AFAP1: variants seen among roughly 807,000 people sequenced by gnomAD.
AFAP1 encodes the protein actin filament associated protein 1.
In AFAP1, 75 loss-of-function variants were observed where a neutral mutation model predicts 93.9. That is an observed-to-expected ratio of 0.80 (90% CI 0.66 to 0.97). The LOEUF is 0.97. AFAP1 is among the 50% of genes least tolerant of loss of function. The pLI is 0.00. For synonymous variants in AFAP1, 517 were observed against 430.7 expected (o/e 1.20, Z -2.48); for missense variants, 1,201 against 1,050.8 (o/e 1.14, Z -1.98).
At chr4:7,908,208 T>C (rs905015618) in intron 1 of AFAP1, among the ~76,000 whole-genome samples, 1 of 150,504 alleles carries the variant, frequency 6.6e-6, no homozygotes, top group African/African-American at 2.5e-5. Context: ...CAAGACTCTG[T>C]CTCAAAAAAA....
chr4:7,771,678 G>A (rs138467102), intron 16 of AFAP1, among the ~76,000 whole-genome samples: 2 of 152,336 alleles, frequency 1.3e-5, no homozygotes, highest in Non-Finnish European at 2.9e-5. Flanking sequence ...GTCATTTCAA[G>A]CCCTGGCCTG....
rs1714998789 is a variant in AFAP1 at position 7,768,888 on chromosome 4, G to A, written c.2374C>T (p.Pro792Ser). The A allele has an allele frequency of 1.2e-6, 2 of 1,610,850 alleles. No individual in the cohort carries two copies. Residue 792 changes from proline to serine, a missense_variant, in exon 17 of 18, where the codon CCG becomes TCG. By Grantham distance (74) the Pro-to-Ser change is moderately conservative. Coordinates refer to ENST00000420658, the MANE Select transcript of AFAP1 (RefSeq NM_001134647.2). ...TGCCCTCGGCAGGGGGAGCTGCCCG[G>A]GGCAGCCTGGCTCTTCTTCAAGACG... ...AAVLKKSQAA[P>S]GSSPCRGHVL...
intron 1 of AFAP1, among the ~76,000 whole-genome samples, chr4:7,933,200 G>A (rs931933553): frequency 2.0e-5 from 3 of 151,976 alleles, no homozygotes; most frequent in Non-Finnish European, 2.9e-5. Context: ...ACACGGCATG[G>A]CCAAAGGGCT....
Position 7,774,843 on chromosome 4 carries a change from G to T in AFAP1, c.1958C>A (p.Thr653Asn). The change falls in exon 15 of 18, where the codon ACC (threonine) becomes AAC (asparagine). Residue 653 changes from threonine (T) to asparagine (N), a missense_variant. Coordinates refer to ENST00000420658, the MANE Select transcript of AFAP1 (RefSeq NM_001134647.2). ...RVEADAKRLQ[T>N]KEEELLKRKE... is the part of the protein sequence containing the mutation. The stretch of plus-strand genomic sequence containing the variant: ...CCTCTTCAGCAGCTCCTCCTCTTTG[G>T]TCTGTAGCCGCTTGGCATCTGCTTC... The T allele has an allele frequency of 1.9e-6, 3 of 1,614,072 alleles. No homozygotes were observed. The highest frequency in any genetic ancestry group is 4.5e-5 in the East Asian group (2 of 44,866).
chr4:7,816,215 G>A, intron 7 of AFAP1, 116 bp from the exon 8 acceptor site: 1 of 846,796 alleles, frequency 1.2e-6, no homozygotes, highest in Non-Finnish European at 1.8e-6. Context: ...CAAATTCATA[G>A]CAATCCAGAA....
intron 6 of AFAP1, among the ~76,000 whole-genome samples, chr4:7,833,826 G>A (rs1315055382): frequency 6.6e-6 from 1 of 151,978 alleles, no homozygotes; most frequent in African/African-American, 2.4e-5. Flanking sequence ...CTGACCTTGT[G>A]ATCTGCCTGC....
At chr4:7,933,974 T>C (rs888280380) in intron 1 of AFAP1, among the ~76,000 whole-genome samples, 1 of 152,218 alleles carries the variant, frequency 6.6e-6, no homozygotes, top group Admixed American at 6.5e-5. Context: ...GAAATGAATA[T>C]AGTGATTTAC....
chr4:7,767,669 T>C (rs1255224797), intron 17 of AFAP1, among the ~76,000 whole-genome samples: 2 of 152,044 alleles, frequency 1.3e-5, no homozygotes, highest in East Asian at 1.9e-4. Context: ...GGGACAACCA[T>C]GTTTCTCAGG....
intron 1 of AFAP1, among the ~76,000 whole-genome samples, chr4:7,874,722 A>T (rs1717387176): frequency 2.0e-5 from 3 of 151,374 alleles, no homozygotes; most frequent in African/African-American, 7.3e-5. Flanking sequence ...TATCTCACAC[A>T]GTCTGAGTGA....
intron 4 of AFAP1, among the ~76,000 whole-genome samples, chr4:7,853,975 A>C (rs948041206): frequency 2.1e-4 from 32 of 152,214 alleles, no homozygotes; most frequent in Non-Finnish European, 4.3e-4. Context: ...CCTGCCAGCT[A>C]CGTGCAGCTC....
rs528473605 is a variant in AFAP1 at position 7,809,211 on chromosome 4, T to TC, written c.1054+402dup. Among the ~76,000 whole-genome samples the TC allele has an allele frequency of 1.8e-4, 22 of 122,566 alleles. No homozygotes were observed. The East Asian group carries it at 4.3e-3, about 24-fold the overall frequency. 80.4% of individuals were successfully genotyped at this position (122,566 alleles called of 152,430 possible). A position where few individuals can be genotyped will look rare whatever the true frequency, so the allele number is the denominator to read the frequency against. On this transcript the variant is annotated intron_variant, in intron 9 of 17. Coordinates refer to ENST00000420658, the MANE Select transcript of AFAP1 (RefSeq NM_001134647.2). Reference sequence around the variant, plus strand: ...ATCTCCTAATGCTATCCCTCCCCACTCCCCCCACCCCACTTAGTTTTATCA... The same window carrying TC: ...ATCTCCTAATGCTATCCCTCCCCACTCCCCCCCACCCCACTTAGTTTTATCA...
intron 4 of AFAP1, among the ~76,000 whole-genome samples, chr4:7,848,210 G>A (rs28479993): frequency 4.6e-4 from 31 of 68,108 alleles, no homozygotes; most frequent in African/African-American, 1.1e-3. Context: ...AGCAAGGGAG[G>A]GAGGGAGGGA....
chr4:7,879,930 G>A (rs944374443), intron 1 of AFAP1, among the ~76,000 whole-genome samples: 13 of 152,090 alleles, frequency 8.5e-5, no homozygotes, highest in African/African-American at 3.1e-4. Context: ...CTCCCAAAGT[G>A]CTGGGATTCC....
At position 7,807,903 on chromosome 4, in the gene AFAP1, G is replaced by A. The variant is rs576754711; in HGVS notation, c.1054+1711C>T. The stretch of plus-strand genomic sequence containing the variant: ...TCCTGACCACCATGGCCCATCCTCT[G>A]TATTATCCTTGTGGCATGAGCCCAC... On this transcript the variant is annotated intron_variant, in intron 9 of 17. Coordinates refer to ENST00000420658, the MANE Select transcript of AFAP1 (RefSeq NM_001134647.2). Among the ~76,000 whole-genome samples, 9 of 152,286 alleles carry A rather than the reference G, an allele frequency of 5.9e-5. No individual in the cohort carries two copies. The East Asian group carries it at 1.5e-3, about 26-fold the overall frequency.
chr4:7,860,673 C>T (rs1298771426), intron 3 of AFAP1, among the ~76,000 whole-genome samples: 1 of 152,184 alleles, frequency 6.6e-6, no homozygotes, highest in African/African-American at 2.4e-5. Flanking sequence ...GGCCTGCTGA[C>T]CTGGAAACTG....
At chr4:7,823,006 G>C (rs1721109066) in intron 6 of AFAP1, among the ~76,000 whole-genome samples, 1 of 151,856 alleles carries the variant, frequency 6.6e-6, no homozygotes, top group Non-Finnish European at 1.5e-5. Flanking sequence ...GTGTCTTCTG[G>C]AGGAGCTGTG....
intron 12 of AFAP1, among the ~76,000 whole-genome samples, chr4:7,782,442 G>A (rs990267937): frequency 3.3e-5 from 5 of 152,236 alleles, no homozygotes; most frequent in African/African-American, 9.6e-5. Flanking sequence ...TGTGAAAAGA[G>A]AAATCAAATC....
intron 1 of AFAP1, among the ~76,000 whole-genome samples, chr4:7,921,582 T>G (rs1054617731): frequency 1.3e-5 from 2 of 152,046 alleles, no homozygotes; most frequent in African/African-American, 4.8e-5. Flanking sequence ...ACATTGACAG[T>G]GAGATAATGG....
chr4:7,848,034 T>C, intron 4 of AFAP1, among the ~76,000 whole-genome samples: 1 of 150,190 alleles, frequency 6.7e-6, no homozygotes, highest in South Asian at 2.1e-4. Context: ...GACAGATGGA[T>C]CGATGTATGG....
Sources: allele counts gnomAD v4.1 joint callset (sites outside exome capture counted in the v4.1 genomes callset), GRCh38; gene constraint gnomAD v4.1.1; transcripts MANE v1.5; gene names NCBI Gene and HGNC (gene_info 2026-07-23, HGNC 2026-07-21).